The following USP34 variants were observed in gnomAD, a reference collection of about 807,000 sequenced individuals.
USP34 encodes the protein ubiquitin carboxyl-terminal hydrolase 34.
A neutral mutation model predicts 460.3 loss-of-function variants in USP34; 70 were observed. The observed-to-expected ratio is 0.15, with a 90% confidence interval of 0.13 to 0.19. The LOEUF (loss-of-function observed/expected upper bound fraction) is 0.19. Among genes scored for constraint, USP34 ranks in the 10% least tolerant of loss-of-function variants. The probability of loss-of-function intolerance (pLI) is 1.00; values close to 1 mark genes in which losing one functional copy is unlikely to be tolerated. For synonymous variants in USP34, 1,647 were observed against 1,405.3 expected (o/e 1.17, Z -3.85); for missense variants, 3,985 against 4,236.2 (o/e 0.94, Z 1.65).
chr2:61,293,578 A>T lies in USP34; in HGVS notation c.4462-28T>A, dbSNP rs762396519. ...GTAGGCAATTGTGAAAGTAATAGTA[A>T]GAGAAAAGCAGATATATAATGCAAT... On this transcript the variant is annotated intron_variant, in intron 32 of 79. Coordinates refer to ENST00000398571, the MANE Select transcript of USP34 (RefSeq NM_014709.4). 9 of 1,544,332 alleles carry T rather than the reference A, an allele frequency of 5.8e-6. No homozygotes were observed. In the African/African-American group the frequency reaches 1.1e-4, roughly 19 times the overall value.
At chr2:61,311,133 G>A (rs931615757) in intron 27 of USP34, among the ~76,000 whole-genome samples, 5 of 152,184 alleles carry the variant, frequency 3.3e-5, no homozygotes, top group Admixed American at 2.0e-4. Context: ...GAAAATTCAT[G>A]TTGAACATTA....
chr2:61,211,411 C>G (rs1264848026), intron 69 of USP34, among the ~76,000 whole-genome samples: 1 of 152,074 alleles, frequency 6.6e-6, no homozygotes, highest in African/African-American at 2.4e-5. Flanking sequence ...TATATTTGGG[C>G]TAAACAGAAT....
At chr2:61,417,033 G>C (rs200427281) in intron 2 of USP34, 10 of 1,307,684 alleles carry the variant, frequency 7.6e-6, no homozygotes, top group Non-Finnish European at 9.8e-6. Flanking sequence ...TCCAGATGTG[G>C]ATCTTCTGGC....
intron 1 of USP34, among the ~76,000 whole-genome samples, chr2:61,459,781 C>T (rs1246881053): frequency 6.7e-6 from 1 of 149,256 alleles, no homozygotes; most frequent in Non-Finnish European, 1.5e-5. Flanking sequence ...AAAAAAAGGC[C>T]AGGCACAGTG....
At chr2:61,347,802 T>C (rs996090459) in intron 15 of USP34, 68 bp downstream of exon 15, 37 of 1,555,660 alleles carry the variant, frequency 2.4e-5, no homozygotes, top group East Asian at 6.8e-5. Context: ...AAATTGCAAA[T>C]TGAATATAGG....
At chr2:61,312,605 T>C (rs1336982186) in intron 25 of USP34, among the ~76,000 whole-genome samples, 1 of 152,018 alleles carries the variant, frequency 6.6e-6, no homozygotes, top group East Asian at 1.9e-4. Context: ...TTCCACATGA[T>C]CCAATGTATG....
intron 65 of USP34, 195 bp from the exon 66 acceptor site, chr2:61,221,801 A>T (rs985830868): frequency 4.6e-6 from 2 of 432,250 alleles, no homozygotes; most frequent in African/African-American, 4.1e-5. Flanking sequence ...TCAACCGGGA[A>T]CCACGTATGA....
intron 5 of USP34, among the ~76,000 whole-genome samples, chr2:61,388,051 A>C (rs538845908): frequency 7.2e-5 from 11 of 151,966 alleles, no homozygotes; most frequent in African/African-American, 2.2e-4. Flanking sequence ...AGGATGCTTG[A>C]GCTCAGGAGT....
At chr2:61,407,457 A>C (rs564481375) in intron 2 of USP34, among the ~76,000 whole-genome samples, 5 of 152,340 alleles carry the variant, frequency 3.3e-5, no homozygotes, top group African/African-American at 1.2e-4. Context: ...ACAGCTAAGC[A>C]ACTATAATTT....
At chr2:61,234,812 T>A (rs1688016141) in intron 57 of USP34, among the ~76,000 whole-genome samples, 1 of 152,018 alleles carries the variant, frequency 6.6e-6, no homozygotes, top group South Asian at 2.1e-4. Flanking sequence ...GTTAATTTTA[T>A]TTTTAGTAGA....
At chr2:61,242,543 C>T (rs549044983) in intron 51 of USP34, among the ~76,000 whole-genome samples, 3 of 150,092 alleles carry the variant, frequency 2.0e-5, no homozygotes, top group East Asian at 3.9e-4. Flanking sequence ...CAATAAGAAG[C>T]AATCAGTAAA....
chr2:61,349,440 G>T (rs770072227), intron 12 of USP34, among the ~76,000 whole-genome samples, 155 bp from the exon 13 acceptor site: 1 of 152,134 alleles, frequency 6.6e-6, no homozygotes, highest in African/African-American at 2.4e-5. Flanking sequence ...GTTGTTGGGG[G>T]TGCCTGCACA....
intron 21 of USP34, among the ~76,000 whole-genome samples, chr2:61,319,651 C>G (rs1308416673): frequency 6.6e-6 from 1 of 151,860 alleles, no homozygotes; most frequent in Non-Finnish European, 1.5e-5. Context: ...TCCAGACCAG[C>G]CTGGCCAACA....
intron 7 of USP34, among the ~76,000 whole-genome samples, chr2:61,378,637 G>A (rs114447090): frequency 0.012 from 1,896 of 151,908 alleles, 41 homozygotes; most frequent in African/African-American, 0.043. Context: ...CAGGCGCAGC[G>A]GCTCACACCT....
chr2:61,385,392 G>A (rs189818000), intron 5 of USP34, among the ~76,000 whole-genome samples: 431 of 152,036 alleles, frequency 2.8e-3, no homozygotes, highest in Non-Finnish European at 4.4e-3. Flanking sequence ...TAAGAAATAC[G>A]ACAAGGAGGC....
Position 61,190,253 on chromosome 2 carries a change from C to A in USP34, c.9873+18G>T. 4 of 1,596,940 alleles carry A rather than the reference C, an allele frequency of 2.5e-6. No individual in the cohort carries two copies. Among genetic ancestry groups the A allele is most frequent in the Non-Finnish European group, 2.6e-6 (3 of 1,174,042 alleles). On this transcript the variant is annotated intron_variant, in intron 78 of 79. Transcript: ENST00000398571. ...GACAGTTTAAAAGTGTGTGCCGCCG[C>A]CTCTGCATAGTTCTTACCCCATTTA... is the stretch of plus-strand genomic sequence containing the variant.
intron 35 of USP34, 85 bp downstream of exon 35, chr2:61,284,790 A>T: frequency 9.1e-7 from 1 of 1,103,080 alleles, no homozygotes; most frequent in Non-Finnish European, 1.3e-6. Flanking sequence ...TTTTTCTATT[A>T]AGTTTAGAAT....
intron 49 of USP34, 141 bp downstream of exon 49, chr2:61,248,370 T>C: frequency 4.0e-6 from 3 of 743,332 alleles, no homozygotes; most frequent in Non-Finnish European, 6.3e-6. Context: ...ACTGACTGAA[T>C]GCATGACATT....
At chr2:61,265,037 T>C (rs1689006365) in intron 43 of USP34, among the ~76,000 whole-genome samples, 1 of 152,216 alleles carries the variant, frequency 6.6e-6, no homozygotes, top group Non-Finnish European at 1.5e-5. Flanking sequence ...TCTACTTGGA[T>C]TCAGGGTTTC....
Sources: allele counts gnomAD v4.1 joint callset (sites outside exome capture counted in the v4.1 genomes callset), GRCh38; gene constraint gnomAD v4.1.1; transcripts MANE v1.5; gene names NCBI Gene and HGNC (gene_info 2026-07-23, HGNC 2026-07-21).